Variants in TRPV1 observed in about 807,000 individuals in gnomAD.
TRPV1 encodes the protein transient receptor potential cation channel subfamily V member 1, also known as OTRPC1.
A neutral mutation model predicts 82.3 loss-of-function variants in TRPV1; 82 were observed. That is an observed-to-expected ratio of 1.00 (90% CI 0.83 to 1.20). The LOEUF (loss-of-function observed/expected upper bound fraction) is 1.20. Among genes scored for constraint, TRPV1 ranks in the 50% most tolerant of loss-of-function variants. TRPV1 has a pLI of 0.00. For missense variants in TRPV1, 1,067 were observed against 1,096.8 expected (o/e 0.97, Z 0.38); for synonymous variants, 515 against 467.7 (o/e 1.10, Z -1.30).
At chr17:3,584,665 G>A (rs1353224085) in intron 9 of TRPV1, among the ~76,000 whole-genome samples, 2 of 151,664 alleles carry the variant, frequency 1.3e-5, no homozygotes, top group Admixed American at 6.6e-5. Context: ...GCATGTTGGT[G>A]GGTGCCTGTA....
chr17:3,587,459 G>A (rs1241927532), intron 8 of TRPV1, among the ~76,000 whole-genome samples: 3 of 152,140 alleles, frequency 2.0e-5, no homozygotes, highest in East Asian at 1.9e-4. Flanking sequence ...TACTCACTAC[G>A]TAACACTAAG....
In TRPV1 at chr17:3,590,251, C is replaced by A; in HGVS notation, c.745+1G>T. 6.2e-7 allele frequency: 1 copy of A among 1,613,790 alleles called. No individual in the cohort carries two copies. Among genetic ancestry groups the A allele is most frequent in the South Asian group, 1.1e-5 (1 of 91,086 alleles). ...CAGGGTCTGCCACACTGTCTCCCTA[C>A]CGAAGTAGAATCCAGGCCGCCCTTT... On this transcript the variant is annotated splice_donor_variant, in intron 6 of 16. Coordinates refer to ENST00000572705, the MANE Select transcript of TRPV1 (RefSeq NM_080704.4). LOFTEE classifies it high-confidence loss of function.
In TRPV1 at chr17:3,573,738, G is replaced by A; in HGVS notation, c.1998C>T (p.Ala666=). The A allele has an allele frequency of 6.2e-7, 1 of 1,614,010 alleles. No homozygotes were observed. Among genetic ancestry groups the A allele is most frequent in the Non-Finnish European group, 8.5e-7 (1 of 1,180,006 alleles). ...FKAVFIILLL[A]YVILTYILLL... is the part of the protein sequence containing the mutation. ...GGAGGATGTAGGTGAGAATTACATA[G>A]GCCAGCAGCAGGATGATGAAGACAG... The change falls in exon 14 of 17, where the codon GCC becomes GCT. Residue 666 remains alanine, a synonymous_variant. Coordinates refer to ENST00000572705, the MANE Select transcript of TRPV1 (RefSeq NM_080704.4).
chr17:3,566,695 T>C lies in TRPV1; in HGVS notation c.*120A>G, dbSNP rs2074766979. On this transcript the variant is annotated 3_prime_UTR_variant, in exon 17 of 17. Coordinates refer to ENST00000572705, the MANE Select transcript of TRPV1 (RefSeq NM_080704.4). ...CTTGTCCAGCACAGATTTGGGAACA[T>C]GCTGGGCAGGCACAGACCAGGCCAG... is the stretch of plus-strand genomic sequence containing the variant. The C allele has an allele frequency of 2.4e-6, 3 of 1,271,046 alleles. No individual in the cohort carries two copies. The highest frequency in any genetic ancestry group is 2.6e-5 in the Admixed American group (1 of 38,520). 78.7% of individuals were successfully genotyped at this position (1,271,046 alleles called of 1,614,324 possible).
chr17:3,604,525 G>C (rs1309039851), intron 2 of TRPV1, among the ~76,000 whole-genome samples: 1 of 151,360 alleles, frequency 6.6e-6, no homozygotes, highest in African/African-American at 2.4e-5. Flanking sequence ...TTAAACCCAG[G>C]AGGCGGAGGT....
At position 3,590,123 on chromosome 17, in the gene TRPV1, C is replaced by T. The variant is rs926258993; in HGVS notation, c.746-18G>A. On this transcript the variant is annotated intron_variant, in intron 6 of 16. Transcript: ENST00000572705. The stretch of plus-strand genomic sequence containing the variant: ...CAGTTCACCTGCATGAACACAGGGC[C>T]CAGGTGGGCCTCAGGAGTGAGATCC... 4 of 1,594,868 alleles carry T rather than the reference C, an allele frequency of 2.5e-6. No individual in the cohort carries two copies. Among genetic ancestry groups the T allele is most frequent in the South Asian group, 2.3e-5 (2 of 88,048 alleles).
chr17:3,566,645 A>C lies in TRPV1; in HGVS notation c.*170T>G, dbSNP rs2074766283. On this transcript the variant is annotated 3_prime_UTR_variant, in exon 17 of 17. Transcript: ENST00000572705. Reference sequence around the variant, plus strand: ...GACGGTTGGATGTACATCACTCCCCATGCTTCCAAGAACGCTTCCCACAGC... The same window carrying C: ...GACGGTTGGATGTACATCACTCCCCCTGCTTCCAAGAACGCTTCCCACAGC... The C allele has an allele frequency of 4.1e-6, 3 of 725,386 alleles. No homozygotes were observed. Among genetic ancestry groups the C allele is most frequent in the African/African-American group, 1.8e-5 (1 of 56,292 alleles). 44.9% of individuals were successfully genotyped at this position (725,386 alleles called of 1,614,324 possible).
intron 11 of TRPV1, chr17:3,578,686 A>C (rs1362020107): frequency 6.6e-6 from 1 of 152,212 alleles, no homozygotes; most frequent in Non-Finnish European, 1.5e-5. Context: ...GGGGGAAAAC[A>C]GAGGAAAAGA....
intron 2 of TRPV1, among the ~76,000 whole-genome samples, chr17:3,605,529 T>C (rs947070867): frequency 2.0e-5 from 3 of 151,378 alleles, no homozygotes; most frequent in African/African-American, 4.9e-5. Context: ...AAAGATTCAA[T>C]GAATTCAAAC....
intron 16 of TRPV1, among the ~76,000 whole-genome samples, chr17:3,569,217 G>A (rs201227507): frequency 6.6e-6 from 1 of 152,072 alleles, no homozygotes; most frequent in East Asian, 1.9e-4. Flanking sequence ...GTATACATAT[G>A]TAACAAACCT....
At chr17:3,607,072 G>T (rs1397640427) in intron 2 of TRPV1, among the ~76,000 whole-genome samples, 3 of 152,198 alleles carry the variant, frequency 2.0e-5, no homozygotes, top group Non-Finnish European at 1.5e-5. Context: ...AGCAGGCCAG[G>T]CATGGTGGCT....
intron 2 of TRPV1, among the ~76,000 whole-genome samples, chr17:3,607,195 T>C (rs2075301257): frequency 6.6e-6 from 1 of 151,832 alleles, no homozygotes. Context: ...AATACAAAAA[T>C]TAGCCAGGTG....
chr17:3,580,946 G>A (rs540676361), intron 10 of TRPV1, among the ~76,000 whole-genome samples: 1 of 151,656 alleles, frequency 6.6e-6, no homozygotes, highest in South Asian at 2.1e-4. Context: ...TTGAACCCAG[G>A]AGGCAGAGGC....
In TRPV1 at chr17:3,587,809, G is replaced by A. The variant is rs150775731; in HGVS notation, c.1224+379C>T. Reference sequence around the variant, plus strand: ...GCCTGGGTAACAAGAGCAAAACTTCGTCTCAAAAAAAAAAAGAAAAATCTA... The same window carrying A: ...GCCTGGGTAACAAGAGCAAAACTTCATCTCAAAAAAAAAAAGAAAAATCTA... On this transcript the variant is annotated intron_variant, in intron 8 of 16. Transcript: ENST00000572705. 1.1e-4 allele frequency among the ~76,000 whole-genome samples: 15 copies of A among 141,070 alleles called. No homozygotes were observed. The East Asian group carries it at 2.6e-3, about 24-fold the overall frequency. 92.5% of individuals were successfully genotyped at this position (141,070 alleles called of 152,430 possible). A position where few individuals can be genotyped will look rare whatever the true frequency, so the allele number is the denominator to read the frequency against.
intron 13 of TRPV1, among the ~76,000 whole-genome samples, chr17:3,576,668 A>AAAAAAAAAT: frequency 5.2e-5 from 2 of 38,422 alleles, no homozygotes; most frequent in Non-Finnish European, 1.1e-4. Context: ...AAAAAAAAAA[A>AAAAAAAAAT]ATATATATAT....
At chr17:3,607,298 C>G (rs924029333) in intron 2 of TRPV1, among the ~76,000 whole-genome samples, 1 of 151,378 alleles carries the variant, frequency 6.6e-6, no homozygotes, top group Non-Finnish European at 1.5e-5. Context: ...GGGCTGAGAT[C>G]GCACCACTGC....
rs749687091 is a variant in TRPV1, at chr17:3,590,305, G to A, written c.692C>T (p.Ala231Val). 4 of 1,613,960 alleles carry A rather than the reference G, an allele frequency of 2.5e-6. No individual in the cohort carries two copies. The highest frequency in any genetic ancestry group is 2.5e-6 in the Non-Finnish European group (3 of 1,179,870). Residue 231 changes from alanine to valine, a missense_variant, in exon 6 of 17, where the codon GCG becomes GTG. Physicochemically the swap from Ala to Val is moderately conservative, Grantham distance 64 (BLOSUM62 0). Coordinates refer to ENST00000572705, the MANE Select transcript of TRPV1 (RefSeq NM_080704.4). ...LVENGADVQAAAHGDFFKKTK... is the reference protein window; with the variant it reads ...LVENGADVQAVAHGDFFKKTK... ...TTTCTTAAAGAAGTCCCCATGGGCCGCAGCCTGGACGTCTGCTCCGTTCTC... is the reference window on the plus strand; with the variant it reads ...TTTCTTAAAGAAGTCCCCATGGGCCACAGCCTGGACGTCTGCTCCGTTCTC...
At chr17:3,605,681 C>A (rs953706059) in intron 2 of TRPV1, among the ~76,000 whole-genome samples, 2 of 152,172 alleles carry the variant, frequency 1.3e-5, no homozygotes, top group Non-Finnish European at 2.9e-5. Flanking sequence ...TCCCTCTGGG[C>A]ATAGAGGTGC....
At chr17:3,589,723 C>G in intron 7 of TRPV1, 84 bp downstream of exon 7, 13 of 1,487,648 alleles carry the variant, frequency 8.7e-6, no homozygotes, top group Non-Finnish European at 1.1e-5. Context: ...GATAGCGACG[C>G]CAGGCTCCCG....
Sources: gnomAD v4.1 joint callset for allele counts (sites outside exome capture counted in the v4.1 genomes callset) on GRCh38, gnomAD v4.1.1 for gene constraint, MANE v1.5 for transcripts, NCBI Gene and HGNC (gene_info 2026-07-23, HGNC 2026-07-21) for gene names.